The following FMN2 variants were observed in gnomAD, a reference collection of about 807,000 sequenced individuals.
FMN2 encodes the protein formin-2.
Under a neutral mutation model 142.3 loss-of-function variants are expected in FMN2, and 51 were observed. That is an observed-to-expected ratio of 0.36 (90% CI 0.29 to 0.45). FMN2 has a LOEUF of 0.45. Among genes scored for constraint, FMN2 ranks in the 20% least tolerant of loss-of-function variants. FMN2 has a pLI of 1.00. For missense variants in FMN2, 1,936 were observed against 2,122.8 expected (o/e 0.91, Z 1.73); for synonymous variants, 882 against 869.8 (o/e 1.01, Z -0.25).
At chr1:240,205,197 A>T (rs1015613317) in intron 4 of FMN2, among the ~76,000 whole-genome samples, 1 of 152,066 alleles carries the variant, frequency 6.6e-6, no homozygotes, top group Admixed American at 6.5e-5. Context: ...GTTGCAGGAA[A>T]CCCTGGAACA....
At chr1:240,402,353 G>T (rs1464032252) in intron 15 of FMN2, among the ~76,000 whole-genome samples, 1 of 152,176 alleles carries the variant, frequency 6.6e-6, no homozygotes, top group Admixed American at 6.5e-5. Context: ...TATTAATCTA[G>T]AAAGTGGAAC....
chr1:240,212,747 G>C (rs560187271), intron 6 of FMN2, among the ~76,000 whole-genome samples: 1 of 152,116 alleles, frequency 6.6e-6, no homozygotes, highest in East Asian at 1.9e-4. Flanking sequence ...CTCCTCTTTT[G>C]GGTTGTGTCA....
intron 1 of FMN2, among the ~76,000 whole-genome samples, chr1:240,099,677 T>C (rs1335834701): frequency 6.6e-6 from 1 of 152,230 alleles, no homozygotes; most frequent in Non-Finnish European, 1.5e-5. Context: ...TTGGAATACA[T>C]GATTCGTCTC....
In FMN2 at chr1:240,208,522, T is replaced by C. The variant is rs1666542041; in HGVS notation, c.3710T>C (p.Leu1237Pro). 6.2e-7 allele frequency: 1 copy of C among 1,612,822 alleles called. No homozygotes were observed. The highest frequency in any genetic ancestry group is 2.2e-5 in the East Asian group (1 of 44,722). Residue 1237 changes from leucine (L) to proline (P), a missense_variant, in exon 5 of 18, where the codon CTG (leucine) becomes CCG (proline). Leu to Pro is a moderately conservative substitution (Grantham distance 98, BLOSUM62 -3). Around this residue, in one of 8 missense-constraint regions of FMN2, gnomAD observed 259 missense variants for 230.9 expected, o/e 1.12. Coordinates refer to ENST00000319653, the MANE Select transcript of FMN2 (RefSeq NM_020066.5). Reference sequence around the variant, plus strand: ...GGGACAGGAATCCCACCGCCCCCTCTGCTTCCTGTATCAGGCCCTCCACTC... The same window carrying C: ...GGGACAGGAATCCCACCGCCCCCTCCGCTTCCTGTATCAGGCCCTCCACTC... ...PPGTGIPPPP[L>P]LPVSGPPLLP...
chr1:240,125,489 A>C (rs1285063861), intron 2 of FMN2, among the ~76,000 whole-genome samples: 2 of 152,182 alleles, frequency 1.3e-5, no homozygotes, highest in African/African-American at 2.4e-5. Flanking sequence ...TGGTGTGTTA[A>C]ATGTTATAGA....
intron 4 of FMN2, among the ~76,000 whole-genome samples, chr1:240,189,650 T>C (rs562048885): frequency 6.6e-5 from 10 of 152,344 alleles, no homozygotes; most frequent in African/African-American, 2.2e-4. Context: ...TTAAGGACAG[T>C]TCATTGAAAA....
At position 240,339,517 on chromosome 1, in the gene FMN2, T is replaced by TA. The variant is rs200391281; in HGVS notation, c.4765+5296dup. Among the ~76,000 whole-genome samples, 520 of 151,214 alleles carry TA rather than the reference T, an allele frequency of 3.4e-3. 2 individuals carry two copies. Among genetic ancestry groups the TA allele is most frequent in the African/African-American group, 0.012 (491 of 40,778 alleles). On this transcript the variant is annotated intron_variant, in intron 13 of 17. Coordinates refer to ENST00000319653, the MANE Select transcript of FMN2 (RefSeq NM_020066.5). The stretch of plus-strand genomic sequence containing the variant: ...GGGAACACTACTGTTTTATGATTTT[T>TA]AAAAAAAATTTAAAAAAAATTTATT...
intron 6 of FMN2, among the ~76,000 whole-genome samples, chr1:240,236,493 A>G (rs980324425): frequency 6.6e-6 from 1 of 152,166 alleles, no homozygotes; most frequent in African/African-American, 2.4e-5. Context: ...GGTATTTTAC[A>G]AAGAAAAGAG....
At chr1:240,332,858 G>A (rs1572203161) in intron 11 of FMN2, among the ~76,000 whole-genome samples, 1 of 152,082 alleles carries the variant, frequency 6.6e-6, no homozygotes, top group South Asian at 2.1e-4. Flanking sequence ...TTTGTTAATT[G>A]ATTCAGGTGC....
At chr1:240,094,512 G>A (rs1411382047) in intron 1 of FMN2, among the ~76,000 whole-genome samples, 2 of 152,120 alleles carry the variant, frequency 1.3e-5, no homozygotes, top group Non-Finnish European at 2.9e-5. Context: ...TACCCAGGGC[G>A]GCATAAAGCA....
chr1:240,132,214 G>A (rs867655388), intron 2 of FMN2, among the ~76,000 whole-genome samples: 3 of 152,266 alleles, frequency 2.0e-5, no homozygotes, highest in Admixed American at 6.5e-5. Flanking sequence ...TAGAATTTGT[G>A]ATTATTTGGG....
At chr1:240,119,372 C>T (rs933529823) in intron 1 of FMN2, among the ~76,000 whole-genome samples, 33 of 150,582 alleles carry the variant, frequency 2.2e-4, no homozygotes, top group East Asian at 2.0e-4. Context: ...GATTGCAGGG[C>T]GAGGATATCC....
chr1:240,093,769 C>T (rs1661100578), intron 1 of FMN2, 45 bp downstream of exon 1: 1 of 1,257,058 alleles, frequency 8.0e-7, no homozygotes, highest in Non-Finnish European at 1.0e-6. Context: ...AGTCGCCTGT[C>T]AGTCAGGGCC....
At chr1:240,338,351 G>A (rs1033830967) in intron 13 of FMN2, among the ~76,000 whole-genome samples, 1 of 152,094 alleles carries the variant, frequency 6.6e-6, no homozygotes, top group African/African-American at 2.4e-5. Context: ...CATTTAAATT[G>A]TTCATTTCTG....
chr1:240,468,309 CAT>C (rs367697636), intron 16 of FMN2, among the ~76,000 whole-genome samples: 123 of 79,020 alleles, frequency 1.6e-3, no homozygotes, highest in African/African-American at 7.1e-3. Context: ...TGCACACACA[CAT>C]ATATACATAT....
At chr1:240,368,463 C>T (rs961232949) in intron 14 of FMN2, among the ~76,000 whole-genome samples, 6 of 152,072 alleles carry the variant, frequency 3.9e-5, no homozygotes, top group African/African-American at 1.4e-4. Flanking sequence ...TTCTAAAGAC[C>T]TCATTTTTGT....
chr1:240,472,303 C>T (rs1391775294), intron 16 of FMN2, 69 bp from the exon 17 acceptor site: 1 of 1,117,424 alleles, frequency 8.9e-7, no homozygotes, highest in Non-Finnish European at 1.3e-6. Context: ...GGTTTGCTCA[C>T]TTACTATAAG....
chr1:240,390,604 G>T (rs1381804757), intron 14 of FMN2, among the ~76,000 whole-genome samples: 1 of 152,158 alleles, frequency 6.6e-6, no homozygotes, highest in Admixed American at 6.6e-5. Context: ...CATTATGTAT[G>T]ATATCACTTT....
At chr1:240,183,626 A>G (rs1317488642) in intron 3 of FMN2, among the ~76,000 whole-genome samples, 1 of 151,876 alleles carries the variant, frequency 6.6e-6, no homozygotes, top group Non-Finnish European at 1.5e-5. Context: ...TGCGCTAACT[A>G]GAGCCTAGGT....
Sources: gnomAD v4.1 joint callset for allele counts (sites outside exome capture counted in the v4.1 genomes callset) on GRCh38, gnomAD v4.1.1 for gene constraint, gnomAD v4.1.1 regional missense constraint, MANE v1.5 for transcripts, NCBI Gene and HGNC (gene_info 2026-07-23, HGNC 2026-07-21) for gene names.